The following CNTNAP5 variants were observed in gnomAD, a reference collection of about 807,000 sequenced individuals.
CNTNAP5 encodes the protein contactin associated protein family member 5, also known as contactin-associated protein-like 5.
Under a neutral mutation model 150.2 loss-of-function variants are expected in CNTNAP5, and 72 were observed. That is an observed-to-expected ratio of 0.48 (90% confidence interval 0.40 to 0.58). CNTNAP5 has a LOEUF of 0.58. Ranked by LOEUF, CNTNAP5 falls within the 20% of genes least tolerant of loss-of-function variation. The probability of loss-of-function intolerance (pLI) is 0.00; values close to 1 mark genes in which losing one functional copy is unlikely to be tolerated. For synonymous variants in CNTNAP5, 672 were observed against 619.8 expected (o/e 1.08, Z -1.25); for missense variants, 1,636 against 1,626.2 (o/e 1.01, Z -0.10).
In CNTNAP5 at chr2:124,689,535, G is replaced by A. The variant is rs1010117992; in HGVS notation, c.2077+41577G>A. 2.6e-5 allele frequency among the ~76,000 whole-genome samples: 4 copies of A among 152,088 alleles called. No homozygotes were observed. The South Asian group carries it at 8.3e-4, about 32-fold the overall frequency. On this transcript the variant is annotated intron_variant, in intron 13 of 23. Transcript: ENST00000682447. ...TACATGTGTATGCACACATGTGTTT[G>A]CCTGTCCACATATATGTATATGTGT...
At chr2:124,497,659 T>C (rs1178384010) in intron 7 of CNTNAP5, among the ~76,000 whole-genome samples, 1 of 152,228 alleles carries the variant, frequency 6.6e-6, no homozygotes, top group African/African-American at 2.4e-5. Context: ...TCTAGCTTAG[T>C]AAATTATGGT....
rs1359576497 is a variant in CNTNAP5, at chr2:124,916,661, T to C, written c.*2373T>C. ...TATTTGATTTTCTCATCTAAGTATA[T>C]ATGCTTGTAGATTGTCCTGTAGGAT... On this transcript the variant is annotated 3_prime_UTR_variant, in exon 24 of 24. Coordinates refer to ENST00000682447, the MANE Select transcript of CNTNAP5 (RefSeq NM_001367498.1). Among the ~76,000 whole-genome samples, 1 of 152,054 alleles carries C rather than the reference T, an allele frequency of 6.6e-6. No individual in the cohort carries two copies. The highest frequency in any genetic ancestry group is 6.6e-5 in the Admixed American group (1 of 15,228).
chr2:124,148,676 T>C (rs1169901882), intron 1 of CNTNAP5, among the ~76,000 whole-genome samples: 1 of 150,488 alleles, frequency 6.6e-6, no homozygotes, highest in Non-Finnish European at 1.5e-5. Context: ...GCATATTATA[T>C]GAGATATATA....
intron 19 of CNTNAP5, among the ~76,000 whole-genome samples, chr2:124,799,335 A>G (rs1226729119): frequency 6.6e-6 from 1 of 152,256 alleles, no homozygotes; most frequent in African/African-American, 2.4e-5. Context: ...TTCTTCTGAT[A>G]CTGCTTAATT....
At chr2:124,441,260 T>C (rs1465337566) in intron 5 of CNTNAP5, among the ~76,000 whole-genome samples, 1 of 152,134 alleles carries the variant, frequency 6.6e-6, no homozygotes, top group Non-Finnish European at 1.5e-5. Context: ...ACTCAATAAT[T>C]ACACGTCAGT....
At chr2:124,076,848 G>T (rs1682449395) in intron 1 of CNTNAP5, among the ~76,000 whole-genome samples, 2 of 152,050 alleles carry the variant, frequency 1.3e-5, no homozygotes, top group Non-Finnish European at 1.5e-5. Flanking sequence ...TCCTGGAGCT[G>T]CAGCCAGCAT....
intron 13 of CNTNAP5, among the ~76,000 whole-genome samples, chr2:124,685,929 C>T (rs548078695): frequency 1.3e-5 from 2 of 151,968 alleles, no homozygotes; most frequent in Non-Finnish European, 1.5e-5. Flanking sequence ...GTTTCTTATT[C>T]TATAATTAAC....
At chr2:124,763,870 C>T (rs1330405851) in intron 15 of CNTNAP5, 71 bp downstream of exon 15, 1 of 1,604,132 alleles carries the variant, frequency 6.2e-7, no homozygotes, top group Non-Finnish European at 8.5e-7. Context: ...TCCCTTATCC[C>T]TTTTCCCTGC....
chr2:124,863,957 C>T (rs1466056275), intron 19 of CNTNAP5, among the ~76,000 whole-genome samples: 2 of 152,084 alleles, frequency 1.3e-5, no homozygotes, highest in Non-Finnish European at 2.9e-5. Context: ...TTTCCATTCC[C>T]ACATATGTCC....
intron 14 of CNTNAP5, among the ~76,000 whole-genome samples, chr2:124,762,239 T>C (rs977126888): frequency 6.6e-6 from 1 of 152,160 alleles, no homozygotes; most frequent in Non-Finnish European, 1.5e-5. Flanking sequence ...AGATATTGTA[T>C]GGTATATTTC....
intron 1 of CNTNAP5, among the ~76,000 whole-genome samples, chr2:124,190,790 C>A (rs1268618896): frequency 6.6e-6 from 1 of 152,122 alleles, no homozygotes; most frequent in Non-Finnish European, 1.5e-5. Flanking sequence ...CATGTATATG[C>A]ACATATGTTG....
chr2:124,029,286 A>C (rs2104618496), intron 1 of CNTNAP5, among the ~76,000 whole-genome samples: 1 of 152,244 alleles, frequency 6.6e-6, no homozygotes, highest in East Asian at 1.9e-4. Flanking sequence ...CTCAATCAAT[A>C]GATAATATTA....
chr2:124,721,040 G>A (rs78495039), intron 13 of CNTNAP5, among the ~76,000 whole-genome samples: 6,814 of 152,068 alleles, frequency 0.045, 537 homozygotes, highest in African/African-American at 0.16. Context: ...GTGTGGAAAG[G>A]GCAAATCCCA....
chr2:124,814,483 TG>T (rs1256540549), intron 19 of CNTNAP5, among the ~76,000 whole-genome samples: 1 of 152,124 alleles, frequency 6.6e-6, no homozygotes, highest in Non-Finnish European at 1.5e-5. Flanking sequence ...TAGCACAATG[TG>T]GGGGCCCAGT....
rs557041792 is a variant in CNTNAP5, at chr2:124,475,746, C to A, written c.1062+864C>A. Among the ~76,000 whole-genome samples the A allele has an allele frequency of 2.2e-4, 34 of 152,094 alleles. No homozygotes were observed. In the South Asian group the frequency reaches 6.6e-3, roughly 30 times the overall value. On this transcript the variant is annotated intron_variant, in intron 7 of 23. Transcript: ENST00000682447. ...AAAGGTCTTTGTCATGTAACTTTTC[C>A]CATCCTTTTGCTCTTAACCTGCCTA...
intron 3 of CNTNAP5, among the ~76,000 whole-genome samples, chr2:124,292,047 T>C (rs1286124600): frequency 6.6e-6 from 1 of 152,156 alleles, no homozygotes; most frequent in Non-Finnish European, 1.5e-5. Flanking sequence ...AGCACAATCA[T>C]ATGAGGACCA....
chr2:124,708,434 G>T (rs148515208), intron 13 of CNTNAP5, among the ~76,000 whole-genome samples: 1 of 152,272 alleles, frequency 6.6e-6, no homozygotes, highest in African/African-American at 2.4e-5. Context: ...TCATGATCTC[G>T]CTGTCATCTC....
At chr2:124,058,738 T>C (rs1403639333) in intron 1 of CNTNAP5, among the ~76,000 whole-genome samples, 1 of 152,226 alleles carries the variant, frequency 6.6e-6, no homozygotes. Flanking sequence ...TCTCTTTAAA[T>C]CATGATGTCT....
chr2:124,038,759 C>G (rs891060422), intron 1 of CNTNAP5, among the ~76,000 whole-genome samples: 3 of 152,160 alleles, frequency 2.0e-5, no homozygotes, highest in African/African-American at 7.2e-5. Context: ...ATGTAGGTAC[C>G]GTGTGAAGAC....
Sources: gnomAD v4.1 joint callset for allele counts (sites outside exome capture counted in the v4.1 genomes callset) on GRCh38, gnomAD v4.1.1 for gene constraint, MANE v1.5 for transcripts, NCBI Gene and HGNC (gene_info 2026-07-23, HGNC 2026-07-21) for gene names.